FBLN5: variants seen among roughly 807,000 people sequenced by gnomAD.
FBLN5 encodes fibulin 5.
FBLN5 carries 24 observed loss-of-function variants against 61.6 expected under a neutral mutation model. The ratio of observed to expected loss-of-function variants is 0.39; its 90% confidence interval spans 0.28 to 0.55. FBLN5 has a LOEUF of 0.55. FBLN5 is among the 20% of genes least tolerant of loss of function. FBLN5 has a pLI of 0.65. For synonymous variants in FBLN5, 213 were observed against 219.8 expected, an observed-to-expected ratio of 0.97 and a Z score of 0.27; for missense variants, 470 against 594.1, an observed-to-expected ratio of 0.79 and a Z score of 2.17.
At chr14:91,901,286 T>G (rs1455794840) in intron 4 of FBLN5, among the ~76,000 whole-genome samples, 1 of 152,208 alleles carries the variant, frequency 6.6e-6, no homozygotes, top group Non-Finnish European at 1.5e-5. Flanking sequence ...TCAGTTCTTG[T>G]GTGAGAACGG....
chr14:91,886,545 T>C (rs1889731735), intron 7 of FBLN5, among the ~76,000 whole-genome samples: 1 of 152,218 alleles, frequency 6.6e-6, no homozygotes, highest in South Asian at 2.1e-4. Flanking sequence ...TCCTTGGGCT[T>C]GGAAGGAATT....
chr14:91,872,247 C>T (rs1380453466), intron 10 of FBLN5, among the ~76,000 whole-genome samples: 2 of 152,156 alleles, frequency 1.3e-5, no homozygotes, highest in Non-Finnish European at 2.9e-5. Flanking sequence ...TGACCCCAAG[C>T]CCCAGGCTTT....
chr14:91,940,106 A>C (rs907489831), intron 3 of FBLN5, among the ~76,000 whole-genome samples: 1 of 152,200 alleles, frequency 6.6e-6, no homozygotes, highest in Non-Finnish European at 1.5e-5. Context: ...ACAGAACCTC[A>C]GTCCTACAAC....
intron 9 of FBLN5, 82 bp from the exon 10 acceptor site, chr14:91,877,764 A>C: frequency 9.2e-7 from 1 of 1,084,414 alleles, no homozygotes; most frequent in Non-Finnish European, 1.4e-6. Flanking sequence ...TAAAACACTG[A>C]AAATGAGGCC....
At position 91,947,169 on chromosome 14, in the gene FBLN5, C is replaced by T; in HGVS notation, c.17+44G>A. ...TCCACCCATCGGATTTTTAGCAAGG[C>T]TTCCAGACCCTGGAGAAAGAAAAGT... On this transcript the variant is annotated intron_variant, in intron 1 of 10. Transcript: ENST00000342058. The surrounding 1 kb of genome is among the most constrained non-coding windows in gnomAD (Gnocchi z 4.3). 1 of 1,613,792 alleles carries T rather than the reference C, an allele frequency of 6.2e-7. No individual in the cohort carries two copies. The highest frequency in any genetic ancestry group is 8.5e-7 in the Non-Finnish European group (1 of 1,179,658).
At chr14:91,900,767 C>A (rs1370448473) in intron 4 of FBLN5, among the ~76,000 whole-genome samples, 1 of 152,170 alleles carries the variant, frequency 6.6e-6, no homozygotes, top group Non-Finnish European at 1.5e-5. Context: ...TTAACAGGAG[C>A]ACAGGTGCCA....
intron 4 of FBLN5, among the ~76,000 whole-genome samples, chr14:91,910,082 T>C (rs1199844260): frequency 6.6e-6 from 1 of 152,222 alleles, no homozygotes; most frequent in Non-Finnish European, 1.5e-5. Flanking sequence ...CCTATGTTCA[T>C]AGCAGCATTA....
chr14:91,926,407 G>A (rs1379578925), intron 4 of FBLN5, among the ~76,000 whole-genome samples: 8 of 152,190 alleles, frequency 5.3e-5, no homozygotes, highest in African/African-American at 1.9e-4. Flanking sequence ...CGCGTGGCCT[G>A]TGTGGTACAT....
At chr14:91,891,063 G>T (rs192162322) in intron 6 of FBLN5, among the ~76,000 whole-genome samples, 158 bp downstream of exon 6, 1 of 152,326 alleles carries the variant, frequency 6.6e-6, no homozygotes. Context: ...CAAGGTTCAG[G>T]TCTCACGTTT....
intron 5 of FBLN5, among the ~76,000 whole-genome samples, chr14:91,892,442 A>C (rs898661795): frequency 6.6e-6 from 1 of 152,104 alleles, no homozygotes; most frequent in Non-Finnish European, 1.5e-5. Flanking sequence ...CCTGGTTTCT[A>C]CCTACTGCCA....
chr14:91,939,864 G>C (rs2056079456), intron 3 of FBLN5: 5 of 436,934 alleles, frequency 1.1e-5, no homozygotes, highest in African/African-American at 8.2e-5. Flanking sequence ...AGATGGGGAG[G>C]TTATCCTGGA....
At chr14:91,913,642 C>A (rs1891057081) in intron 4 of FBLN5, among the ~76,000 whole-genome samples, 1 of 152,210 alleles carries the variant, frequency 6.6e-6, no homozygotes, top group South Asian at 2.1e-4. Context: ...AGAGATAATT[C>A]TTCTAACGCC....
intron 6 of FBLN5, among the ~76,000 whole-genome samples, chr14:91,888,961 T>C (rs1309733934): frequency 6.6e-6 from 1 of 152,150 alleles, no homozygotes; most frequent in African/African-American, 2.4e-5. Context: ...TGAAAAGAGA[T>C]GTCAGTGTTT....
At chr14:91,897,055 A>G (rs1012477356) in intron 4 of FBLN5, among the ~76,000 whole-genome samples, 2 of 151,808 alleles carry the variant, frequency 1.3e-5, no homozygotes, top group Non-Finnish European at 2.9e-5. Flanking sequence ...ATCAGTCCCC[A>G]CCCTACCCCA....
chr14:91,945,228 C>CAA (rs545285563), intron 1 of FBLN5, among the ~76,000 whole-genome samples: 11 of 64,872 alleles, frequency 1.7e-4, no homozygotes, highest in South Asian at 5.1e-4. Context: ...GACTCCGTCT[C>CAA]AAAAAAAAAA....
chr14:91,887,383 C>T, intron 6 of FBLN5, 71 bp from the exon 7 acceptor site: 2 of 1,536,280 alleles, frequency 1.3e-6, no homozygotes, highest in African/African-American at 1.4e-5. Flanking sequence ...GCAGAAAAAG[C>T]ACCAGCAACG....
intron 10 of FBLN5, among the ~76,000 whole-genome samples, chr14:91,875,991 C>T (rs371248571): frequency 1.3e-5 from 2 of 152,188 alleles, no homozygotes; most frequent in African/African-American, 4.8e-5. Context: ...ACTGTTTCAC[C>T]CCCACCACCA....
intron 10 of FBLN5, among the ~76,000 whole-genome samples, chr14:91,871,916 T>G (rs2498849): frequency 0.18 from 27,305 of 151,756 alleles, 2,768 homozygotes; most frequent in Non-Finnish European, 0.24. Flanking sequence ...GTGTGGTCCC[T>G]GGACCAGCAG....
intron 5 of FBLN5, among the ~76,000 whole-genome samples, chr14:91,892,059 G>A (rs1048585507): frequency 6.6e-6 from 1 of 152,206 alleles, no homozygotes. Flanking sequence ...CAGGGAAAGC[G>A]GCGGCACTGT....
Sources: allele counts gnomAD v4.1 joint callset (sites outside exome capture counted in the v4.1 genomes callset), GRCh38; gene constraint gnomAD v4.1.1; non-coding constraint Gnocchi (gnomAD v3.1); transcripts MANE v1.5; gene names NCBI Gene and HGNC (gene_info 2026-07-23, HGNC 2026-07-21).